The following NALF1 variants were observed in gnomAD, a reference collection of about 807,000 sequenced individuals.
NALF1 encodes family with sequence similarity 155 member A.
A neutral mutation model predicts 48.4 loss-of-function variants in NALF1; 3 were observed. The ratio of observed to expected loss-of-function variants is 0.06; its 90% CI spans 0.03 to 0.16. NALF1 has a LOEUF of 0.16. Among genes scored for constraint, NALF1 ranks in the 10% least tolerant of loss-of-function variants. NALF1 has a pLI of 1.00. For synonymous variants in NALF1, 262 were observed against 245.7 expected (o/e 1.07, Z -0.62); for missense variants, 526 against 571.5 (o/e 0.92, Z 0.81).
intron 1 of NALF1, among the ~76,000 whole-genome samples, chr13:107,707,965 T>C (rs760960826): frequency 4.6e-5 from 7 of 152,140 alleles, no homozygotes; most frequent in Non-Finnish European, 1.0e-4. Flanking sequence ...TGTTCTCATA[T>C]AAATAATTAT....
chr13:107,824,231 T>C (rs892030094), intron 1 of NALF1, among the ~76,000 whole-genome samples: 1 of 152,146 alleles, frequency 6.6e-6, no homozygotes, highest in Non-Finnish European at 1.5e-5. Context: ...TATCACTAAA[T>C]TGTCTGATTG....
chr13:107,699,045 G>GCCATTCA (rs1341626642), intron 1 of NALF1, among the ~76,000 whole-genome samples: 1 of 152,120 alleles, frequency 6.6e-6, no homozygotes, highest in Non-Finnish European at 1.5e-5. Flanking sequence ...GCCTGTCATT[G>GCCATTCA]TAGGTCTTTG....
At chr13:107,494,648 G>A (rs1383634760) in intron 1 of NALF1, among the ~76,000 whole-genome samples, 1 of 151,980 alleles carries the variant, frequency 6.6e-6, no homozygotes, top group African/African-American at 2.4e-5. Flanking sequence ...TTTACCTATG[G>A]GTTAACTACT....
intron 1 of NALF1, among the ~76,000 whole-genome samples, chr13:107,835,631 A>G (rs925056305): frequency 3.3e-5 from 5 of 152,098 alleles, no homozygotes; most frequent in African/African-American, 9.7e-5. Flanking sequence ...AGACCCACAC[A>G]CACACCGGTG....
At chr13:107,309,248 C>T (rs1475003516) in intron 1 of NALF1, among the ~76,000 whole-genome samples, 1 of 152,234 alleles carries the variant, frequency 6.6e-6, no homozygotes, top group Non-Finnish European at 1.5e-5. Context: ...GATGCTTTCT[C>T]TGTACACAGA....
chr13:107,264,252 A>C (rs1216288375), intron 1 of NALF1, among the ~76,000 whole-genome samples: 1 of 152,210 alleles, frequency 6.6e-6, no homozygotes, highest in Non-Finnish European at 1.5e-5. Context: ...ATTTTATGTA[A>C]GCAATTAATT....
At chr13:107,783,126 G>A (rs1375718207) in intron 1 of NALF1, among the ~76,000 whole-genome samples, 7 of 128,738 alleles carry the variant, frequency 5.4e-5, no homozygotes, top group Non-Finnish European at 9.8e-5. Context: ...GCCTCTGCCC[G>A]GCCGCCCCTA....
chr13:107,380,800 G>A lies in NALF1; in HGVS notation c.916-170045C>T, dbSNP rs796178505. Among the ~76,000 whole-genome samples the A allele has an allele frequency of 3.6e-3, 553 of 151,522 alleles. 3 individuals are homozygous for A. The highest frequency in any genetic ancestry group is 0.013 in the African/African-American group (528 of 41,332). ...GAGACCATCCTGGCTAACACGGTGA[G>A]ACCCCGTCTCTACTAAAAATACAAA... On this transcript the variant is annotated intron_variant, in intron 1 of 2. Transcript: ENST00000375915.
chr13:107,519,254 T>C (rs1876159490), intron 1 of NALF1, among the ~76,000 whole-genome samples: 1 of 152,156 alleles, frequency 6.6e-6, no homozygotes, highest in South Asian at 2.1e-4. Context: ...GGTCACTCAA[T>C]TCCAATTTAT....
intron 1 of NALF1, among the ~76,000 whole-genome samples, chr13:107,776,612 T>C (rs1452875035): frequency 6.6e-6 from 1 of 152,208 alleles, no homozygotes; most frequent in East Asian, 1.9e-4. Flanking sequence ...GAATACCTAC[T>C]GTGTGCTAGA....
intron 1 of NALF1, among the ~76,000 whole-genome samples, chr13:107,699,682 GA>G (rs1881776615): frequency 6.6e-6 from 1 of 151,926 alleles, no homozygotes; most frequent in South Asian, 2.1e-4. Context: ...AATCAGACAA[GA>G]AAAAGCAATA....
chr13:107,710,730 T>TTA (rs1382630031), intron 1 of NALF1, among the ~76,000 whole-genome samples: 1 of 150,568 alleles, frequency 6.6e-6, no homozygotes, highest in Non-Finnish European at 1.5e-5. Context: ...ATTACAATTT[T>TTA]TATATATATA....
chr13:107,357,478 G>C (rs79498307), intron 1 of NALF1, among the ~76,000 whole-genome samples: 1 of 152,086 alleles, frequency 6.6e-6, no homozygotes, highest in Non-Finnish European at 1.5e-5. Flanking sequence ...TATCAATCAC[G>C]TAGAAAGCAA....
chr13:107,695,139 G>A (rs555919300), intron 1 of NALF1, among the ~76,000 whole-genome samples: 1 of 152,138 alleles, frequency 6.6e-6, no homozygotes, highest in African/African-American at 2.4e-5. Context: ...TAACTTGAAC[G>A]TTGAGGAAGT....
chr13:107,629,043 C>T (rs1178548572), intron 1 of NALF1, among the ~76,000 whole-genome samples: 1 of 152,128 alleles, frequency 6.6e-6, no homozygotes, highest in Non-Finnish European at 1.5e-5. Context: ...ACTTTCTTAT[C>T]CACGTCTTGT....
rs550898217 is a variant in NALF1 at position 107,827,106 on chromosome 13, T to C, written c.915+38576A>G. On this transcript the variant is annotated intron_variant, in intron 1 of 2. Transcript: ENST00000375915. ...AAGCTGTATGCTGAACACAGTCTCT[T>C]GCATTAGGATTTATGACTACAGACT... Among the ~76,000 whole-genome samples the C allele has an allele frequency of 3.4e-4, 52 of 152,320 alleles. 1 individual carries two copies. Among genetic ancestry groups the C allele is most frequent in the Middle Eastern group, 6.8e-3 (2 of 294 alleles).
chr13:107,296,423 A>G (rs1014062619), intron 1 of NALF1, among the ~76,000 whole-genome samples: 4 of 152,192 alleles, frequency 2.6e-5, no homozygotes, highest in African/African-American at 9.7e-5. Context: ...ATTCTTCAGT[A>G]AAATTAAAAA....
chr13:107,576,014 C>T (rs1566400050), intron 1 of NALF1, among the ~76,000 whole-genome samples: 1 of 133,516 alleles, frequency 7.5e-6, no homozygotes, highest in Non-Finnish European at 1.7e-5. Flanking sequence ...GTGTGTGTAC[C>T]TGTGTCTGTA....
intron 1 of NALF1, among the ~76,000 whole-genome samples, chr13:107,779,719 A>C (rs1415090299): frequency 6.6e-6 from 1 of 152,176 alleles, no homozygotes; most frequent in Non-Finnish European, 1.5e-5. Flanking sequence ...TGGATGAGTT[A>C]ATTAATACTT....
Sources: gnomAD v4.1 joint callset for allele counts (sites outside exome capture counted in the v4.1 genomes callset) on GRCh38, gnomAD v4.1.1 for gene constraint, MANE v1.5 for transcripts, NCBI Gene and HGNC (gene_info 2026-07-23, HGNC 2026-07-21) for gene names.